The following TRIP12 variants were observed in gnomAD, a reference collection of about 807,000 sequenced individuals.
TRIP12 encodes thyroid hormone receptor interactor 12, also known as E3 ubiquitin-protein ligase TRIP12.
TRIP12 carries 25 observed loss-of-function variants against 244.2 expected under a neutral mutation model. The observed-to-expected ratio is 0.10, with a 90% CI of 0.07 to 0.14. TRIP12 has a LOEUF of 0.14. Ranked by LOEUF, TRIP12 falls within the 10% of genes least tolerant of loss-of-function variation. TRIP12 has a pLI of 1.00. For synonymous variants in TRIP12, 905 were observed against 873.1 expected, an observed-to-expected ratio of 1.04 and a Z score of -0.64; for missense variants, 1,677 against 2,486.4, an observed-to-expected ratio of 0.67 and a Z score of 6.92.
In TRIP12 at chr2:229,860,490, G is replaced by C; in HGVS notation, c.140C>G (p.Pro47Arg). Residue 47 changes from proline (P) to arginine (R), a missense_variant, in exon 3 of 42, where the codon CCT (proline) becomes CGT (arginine). Physicochemically the swap from Pro to Arg is moderately radical, Grantham distance 103. Around this residue, in one of 11 missense-constraint regions of TRIP12, gnomAD observed 387 missense variants for 392.6 expected, o/e 0.99. Coordinates refer to ENST00000675903, the MANE Select transcript of TRIP12 (RefSeq NM_001348323.3). ...GQAKHKGYSP[P>R]ESRKSNSKAP... The stretch of plus-strand genomic sequence containing the variant: ...CTTAGAATTAGATTTTCTACTCTCA[G>C]GAGGGCTATATCCCTTATGTTTTGC... The C allele has an allele frequency of 3.1e-6, 5 of 1,611,978 alleles. No individual in the cohort carries two copies. In the Middle Eastern group the frequency reaches 5.0e-4, roughly 160 times the overall value.
At chr2:229,773,068 A>C (rs2035019750) in intron 38 of TRIP12, among the ~76,000 whole-genome samples, 1 of 150,628 alleles carries the variant, frequency 6.6e-6, no homozygotes, top group South Asian at 2.1e-4. Context: ...ATCACAAATT[A>C]ATATATACAT....
intron 4 of TRIP12, among the ~76,000 whole-genome samples, chr2:229,854,122 G>A (rs1478213996): frequency 6.6e-6 from 1 of 152,064 alleles, no homozygotes; most frequent in African/African-American, 2.4e-5. Flanking sequence ...GGCAAAGTCT[G>A]GGCTTTCGGT....
chr2:229,812,984 A>T (rs2047640502), intron 13 of TRIP12, among the ~76,000 whole-genome samples: 1 of 152,138 alleles, frequency 6.6e-6, no homozygotes, highest in Non-Finnish European at 1.5e-5. Context: ...AAAAAATTCA[A>T]TTTCTCCATA....
chr2:229,813,911 C>A lies in TRIP12; in HGVS notation c.1945G>T (p.Ala649Ser). The change falls in exon 13 of 42, where the codon GCA becomes TCA. Residue 649 changes from alanine to serine, a missense_variant. By Grantham distance (99) the Ala-to-Ser change is moderately conservative. Transcript: ENST00000675903. ...TGGGTTAGCAATGGGAGTGAATCTGCCACAAAATGAAATTCATCTGGCGTG... is the reference window on the plus strand; with the variant it reads ...TGGGTTAGCAATGGGAGTGAATCTGACACAAAATGAAATTCATCTGGCGTG... The part of the protein sequence containing the change: ...SITPDEFHFV[A>S]DSLPLLTQRL... The A allele has an allele frequency of 2.5e-6, 4 of 1,586,134 alleles. No individual in the cohort carries two copies. The highest frequency in any genetic ancestry group is 3.4e-6 in the Non-Finnish European group (4 of 1,159,818).
rs756897996 is a variant in TRIP12, at chr2:229,795,203, G to A, written c.3944C>T (p.Pro1315Leu). ...CCTGCCTCCTGTCCCATTTCCACTA[G>A]GGAAATCATGTACTTTGACTGGAAA... ...EQFPVKVHDF[P>L]SGNGTGGSFS... Residue 1315 changes from proline to leucine, a missense_variant, in exon 26 of 42, where the codon CCT (proline) becomes CTT (leucine). Coordinates refer to ENST00000675903, the MANE Select transcript of TRIP12 (RefSeq NM_001348323.3). The A allele has an allele frequency of 1.2e-6, 2 of 1,613,946 alleles. No homozygotes were observed. Among genetic ancestry groups the A allele is most frequent in the East Asian group, 2.2e-5 (1 of 44,870 alleles).
At chr2:229,807,632 T>C (rs756542951) in intron 17 of TRIP12, 76 bp downstream of exon 17, 3 of 1,539,502 alleles carry the variant, frequency 1.9e-6, no homozygotes, top group Non-Finnish European at 2.7e-6. Context: ...AATCCACATA[T>C]CCACCTCCCC....
intron 2 of TRIP12, among the ~76,000 whole-genome samples, chr2:229,864,132 A>G (rs754020810): frequency 1.3e-5 from 2 of 151,434 alleles, no homozygotes; most frequent in Non-Finnish European, 2.9e-5. Context: ...ACATATGGGT[A>G]TTCCTGAAAA....
At chr2:229,880,155 T>G in intron 1 of TRIP12, 27 bp from the exon 2 acceptor site, 1 of 1,341,438 alleles carries the variant, frequency 7.5e-7, no homozygotes, top group East Asian at 2.3e-5. Context: ...TAAACAAAAT[T>G]TATCAGATGT....
chr2:229,792,933 T>C, intron 27 of TRIP12, 40 bp downstream of exon 27: 2 of 1,570,080 alleles, frequency 1.3e-6, no homozygotes, highest in Non-Finnish European at 1.7e-6. Context: ...TTCTCCCAAA[T>C]ATACATATAT....
At chr2:229,810,822 C>T in intron 15 of TRIP12, 58 bp downstream of exon 15, 1 of 1,554,954 alleles carries the variant, frequency 6.4e-7, no homozygotes. Flanking sequence ...GTTGACTTTA[C>T]ATATTAATGA....
Position 229,792,997 on chromosome 2 carries a change from T to C in TRIP12, c.4117A>G (p.Ile1373Val), listed in dbSNP as rs199688160. The change falls in exon 27 of 42, where the codon ATC becomes GTC. Residue 1373 changes from isoleucine to valine, a missense_variant. Physicochemically the swap from Ile to Val is conservative, Grantham distance 29. This residue lies in a region of TRIP12 where 265 missense variants were observed against 370.8 expected (regional missense o/e 0.71). Transcript: ENST00000675903. ...KIDPLALVQA[I>V]ERYLVVRGYG... ...CCTCTAACTACAAGGTATCTCTCGA[T>C]GGCTTGTACCAAAGCCAGAGGGTCA... 17 of 1,613,778 alleles carry C rather than the reference T, an allele frequency of 1.1e-5. No individual in the cohort carries two copies. The highest frequency in any genetic ancestry group is 1.4e-5 in the Non-Finnish European group (17 of 1,179,792).
chr2:229,794,695 C>T (rs2042380016), intron 26 of TRIP12, among the ~76,000 whole-genome samples: 1 of 152,050 alleles, frequency 6.6e-6, no homozygotes, highest in East Asian at 1.9e-4. Flanking sequence ...TGTAGCACCT[C>T]AAGAGTCCTT....
intron 2 of TRIP12, among the ~76,000 whole-genome samples, chr2:229,862,671 G>A (rs1490312087): frequency 6.6e-6 from 1 of 152,178 alleles, no homozygotes; most frequent in Non-Finnish European, 1.5e-5. Flanking sequence ...CATTCCATTT[G>A]TCATCAGAAA....
At chr2:229,781,669 T>A (rs2038212534) in intron 34 of TRIP12, among the ~76,000 whole-genome samples, 1 of 152,208 alleles carries the variant, frequency 6.6e-6, no homozygotes, top group Non-Finnish European at 1.5e-5. Context: ...GGCTTACCAA[T>A]CATCCCAATT....
At chr2:229,857,647 A>AT (rs2059820523) in intron 4 of TRIP12, among the ~76,000 whole-genome samples, 1 of 151,962 alleles carries the variant, frequency 6.6e-6, no homozygotes, top group South Asian at 2.1e-4. Flanking sequence ...CAAAAAAAAA[A>AT]AAGAAGGGAG....
chr2:229,922,324 G>T, upstream of TRIP12: 1 of 603,074 alleles, frequency 1.7e-6, no homozygotes. Context: ...GGTCACCCGG[G>T]ACCTGGAGCT....
At chr2:229,777,653 T>TG (rs2036697663) in intron 36 of TRIP12, among the ~76,000 whole-genome samples, 174 bp from the exon 37 acceptor site, 1 of 152,246 alleles carries the variant, frequency 6.6e-6, no homozygotes, top group African/African-American at 2.4e-5. Context: ...TCTCTTGATT[T>TG]GGGGCTCTAA....
chr2:229,886,158 TTGTATGGTATATTCGTAAG>T (rs1434463031), intron 1 of TRIP12, among the ~76,000 whole-genome samples: 4 of 152,186 alleles, frequency 2.6e-5, no homozygotes, highest in African/African-American at 9.7e-5. Context: ...ATCAGCAGTT[TTGTATGGTATATTCGTAAG>T]TCAAATGTCA....
intron 1 of TRIP12, among the ~76,000 whole-genome samples, chr2:229,914,700 A>C (rs1269292380): frequency 6.6e-6 from 1 of 152,164 alleles, no homozygotes; most frequent in African/African-American, 2.4e-5. Flanking sequence ...AGTGAGTAGG[A>C]GTTTTGAAGT....
Sources: gnomAD v4.1 joint callset for allele counts (sites outside exome capture counted in the v4.1 genomes callset) on GRCh38, gnomAD v4.1.1 for gene constraint, gnomAD v4.1.1 regional missense constraint, MANE v1.5 for transcripts, NCBI Gene and HGNC (gene_info 2026-07-23, HGNC 2026-07-21) for gene names.